The following LRMDA variants were observed in gnomAD, a reference collection of about 807,000 sequenced individuals.
LRMDA encodes leucine-rich melanocyte differentiation-associated protein.
Under a neutral mutation model 29.8 loss-of-function variants are expected in LRMDA, and 18 were observed. That is an observed-to-expected ratio of 0.60 (90% confidence interval 0.42 to 0.90). The LOEUF (loss-of-function observed/expected upper bound fraction) is 0.90, where lower values mean the gene tolerates loss of function less well. Ranked by LOEUF, LRMDA falls within the 40% of genes least tolerant of loss-of-function variation. The pLI, the probability that LRMDA is intolerant of heterozygous loss-of-function variation, is 0.00. For synonymous variants in LRMDA, 125 were observed against 109.4 expected (o/e 1.14, Z -0.89); for missense variants, 273 against 273.9 (o/e 1.00, Z 0.02).
chr10:75,928,398 C>T (rs556809334), intron 2 of LRMDA, among the ~76,000 whole-genome samples: 1 of 152,152 alleles, frequency 6.6e-6, no homozygotes, highest in East Asian at 1.9e-4. Context: ...GCATTTCATC[C>T]TTTTCACAAG....
chr10:75,772,424 C>T (rs753609226), intron 2 of LRMDA, among the ~76,000 whole-genome samples: 41 of 152,096 alleles, frequency 2.7e-4, no homozygotes, highest in Non-Finnish European at 4.9e-4. Context: ...GTTCGTGAAA[C>T]GCCACATCTT....
At chr10:76,357,953 G>A (rs1841262945) in intron 6 of LRMDA, among the ~76,000 whole-genome samples, 1 of 152,190 alleles carries the variant, frequency 6.6e-6, no homozygotes, top group Non-Finnish European at 1.5e-5. Flanking sequence ...TGTGAAAACA[G>A]GAAAGACAAG....
intron 2 of LRMDA, among the ~76,000 whole-genome samples, chr10:75,634,643 CAG>C (rs1841368811): frequency 6.6e-6 from 1 of 152,156 alleles, no homozygotes; most frequent in South Asian, 2.1e-4. Flanking sequence ...AAATTGAAAA[CAG>C]AGGTATAAGG....
chr10:76,544,653 A>G (rs1271093877), intron 6 of LRMDA, among the ~76,000 whole-genome samples: 1 of 151,758 alleles, frequency 6.6e-6, no homozygotes, highest in Non-Finnish European at 1.5e-5. Context: ...ATTCTTCCTT[A>G]ACCTACAGTT....
At chr10:75,562,305 T>A (rs1840308419) in intron 2 of LRMDA, among the ~76,000 whole-genome samples, 1 of 152,160 alleles carries the variant, frequency 6.6e-6, no homozygotes, top group African/African-American at 2.4e-5. Flanking sequence ...TTGTCTCTTT[T>A]GATCTTTGTT....
At chr10:75,823,571 CA>C (rs921648234) in intron 2 of LRMDA, among the ~76,000 whole-genome samples, 30 of 151,984 alleles carry the variant, frequency 2.0e-4, no homozygotes, top group African/African-American at 7.2e-4. Flanking sequence ...GGACATTTCT[CA>C]AAGAATTAAA....
At chr10:75,739,270 TGTTGCCTTAGCACAAACCCAGGCCCAGAG>T (rs1277503322) in intron 2 of LRMDA, among the ~76,000 whole-genome samples, 1 of 152,256 alleles carries the variant, frequency 6.6e-6, no homozygotes, top group Non-Finnish European at 1.5e-5. Context: ...CGAATGCTAT[TGTTGCCTTAGCACAAACCCAGGCCCAGAG>T]ATTGGCCTTG....
At chr10:76,340,515 CAAAAAAAAAAA>C (rs1174024731) in intron 6 of LRMDA, among the ~76,000 whole-genome samples, 1 of 75,762 alleles carries the variant, frequency 1.3e-5, no homozygotes, top group African/African-American at 5.6e-5. Context: ...GAACCTGTAT[CAAAAAAAAAAA>C]AAAAAAAAAA....
intron 2 of LRMDA, among the ~76,000 whole-genome samples, chr10:75,758,343 T>C (rs1411689846): frequency 6.6e-6 from 1 of 152,210 alleles, no homozygotes; most frequent in East Asian, 1.9e-4. Flanking sequence ...TCCTGCCCAC[T>C]GTGAGGAATG....
chr10:75,706,999 C>T (rs1383045530), intron 2 of LRMDA, among the ~76,000 whole-genome samples: 1 of 152,310 alleles, frequency 6.6e-6, no homozygotes, highest in Non-Finnish European at 1.5e-5. Flanking sequence ...TTGTTGTTCC[C>T]TTCTGCATAC....
chr10:76,018,310 A>G lies in LRMDA; in HGVS notation c.132-17698A>G, dbSNP rs549072882. The stretch of plus-strand genomic sequence containing the variant: ...CCTGGCCTCTGTTCACTAAATGCTA[A>G]CAGCACCACCCAGTCATGACAATCA... On this transcript the variant is annotated intron_variant, in intron 2 of 6. Transcript: ENST00000611255. 2.6e-5 allele frequency among the ~76,000 whole-genome samples: 4 copies of G among 152,314 alleles called. No individual in the cohort carries two copies. The South Asian group carries it at 8.3e-4, about 32-fold the overall frequency.
intron 2 of LRMDA, among the ~76,000 whole-genome samples, chr10:75,455,836 G>T (rs1844509849): frequency 6.6e-6 from 1 of 152,218 alleles, no homozygotes; most frequent in Non-Finnish European, 1.5e-5. Flanking sequence ...TGGAGGGAGG[G>T]CAGGATTTTC....
intron 6 of LRMDA, among the ~76,000 whole-genome samples, chr10:76,551,050 G>A (rs964085434): frequency 6.6e-6 from 1 of 152,134 alleles, no homozygotes; most frequent in African/African-American, 2.4e-5. Context: ...ATGTATTCAC[G>A]GCCTGCACTT....
chr10:75,707,901 C>T (rs1842389513), intron 2 of LRMDA, among the ~76,000 whole-genome samples: 3 of 152,148 alleles, frequency 2.0e-5, no homozygotes, highest in African/African-American at 2.4e-5. Flanking sequence ...ATTCATTCGG[C>T]CACTTTGCTG....
chr10:75,577,747 G>A (rs539214004), intron 2 of LRMDA, among the ~76,000 whole-genome samples: 1 of 152,240 alleles, frequency 6.6e-6, no homozygotes, highest in African/African-American at 2.4e-5. Flanking sequence ...CATTCTTAAA[G>A]AAAAGAATTT....
chr10:75,693,273 G>T (rs1024691102), intron 2 of LRMDA, among the ~76,000 whole-genome samples: 3 of 152,202 alleles, frequency 2.0e-5, no homozygotes, highest in Non-Finnish European at 4.4e-5. Context: ...TCTCCTATTT[G>T]TGCAATGTTT....
intron 2 of LRMDA, among the ~76,000 whole-genome samples, chr10:76,010,452 A>G (rs1258806095): frequency 6.6e-6 from 1 of 151,724 alleles, no homozygotes; most frequent in East Asian, 1.9e-4. Flanking sequence ...AGCTGGGACT[A>G]CAGGCGCTCA....
chr10:75,438,441 C>T lies in LRMDA; in HGVS notation c.78C>T (p.Gly26=), dbSNP rs2132022018. Residue 26 remains glycine (G), a synonymous_variant, in exon 2 of 7, where the codon GGC becomes GGT. Transcript: ENST00000611255. ...GCAGAGAAATTCCAGAGCACCTTGG[C>T]AGGGACTGTGGACATTTCGCAAAGA... The part of the protein sequence containing the change: ...QDCREIPEHL[G]RDCGHFAKRL... 6.4e-7 allele frequency: 1 copy of T among 1,551,000 alleles called. No individual in the cohort carries two copies. The highest frequency in any genetic ancestry group is 8.7e-7 in the Non-Finnish European group (1 of 1,147,078).
chr10:75,910,959 G>T (rs1172939741), intron 2 of LRMDA, among the ~76,000 whole-genome samples: 1 of 152,142 alleles, frequency 6.6e-6, no homozygotes, highest in Admixed American at 6.5e-5. Flanking sequence ...TGCGTCAATG[G>T]AGTAATCTGG....
Sources: allele counts gnomAD v4.1 joint callset (sites outside exome capture counted in the v4.1 genomes callset), GRCh38; gene constraint gnomAD v4.1.1; transcripts MANE v1.5; gene names NCBI Gene and HGNC (gene_info 2026-07-23, HGNC 2026-07-21).